Variants in COL4A3 observed in about 807,000 individuals in gnomAD.
The protein encoded by COL4A3 is collagen alpha-3(IV) chain.
In COL4A3, 135 loss-of-function variants were observed where a neutral mutation model predicts 217.4. The observed-to-expected ratio is 0.62, with a 90% CI of 0.54 to 0.72. The LOEUF (loss-of-function observed/expected upper bound fraction) is 0.72. Ranked by LOEUF, COL4A3 falls within the 30% of genes least tolerant of loss-of-function variation. COL4A3 has a pLI of 0.00. For synonymous variants in COL4A3, 690 were observed against 736.3 expected (o/e 0.94, Z 1.02); for missense variants, 1,868 against 2,119.9 (o/e 0.88, Z 2.33).
Position 227,279,677 on chromosome 2 carries a change from T to C in COL4A3, c.2126-116T>C. The C allele has an allele frequency of 5.6e-6, 4 of 710,854 alleles. 1 individual carries two copies. The South Asian group carries it at 8.0e-5, about 14-fold the overall frequency. 44.0% of individuals were successfully genotyped at this position (710,854 alleles called of 1,614,324 possible). ...TTGCTAATTTATCAGTTGGTTTTAT[T>C]ATCATTTAAATTTTCATAAAAGCAT... On this transcript the variant is annotated intron_variant, in intron 28 of 51. Coordinates refer to ENST00000396578, the MANE Select transcript of COL4A3 (RefSeq NM_000091.5).
chr2:227,312,049 CT>C lies in COL4A3; in HGVS notation c.*180del. 4.4e-6 allele frequency: 5 copies of C among 1,140,702 alleles called. No homozygotes were observed. The highest frequency in any genetic ancestry group is 6.2e-6 in the Non-Finnish European group (5 of 802,508). The allele number at this position is 1,140,702 out of a possible 1,614,324, so 70.7% of individuals were successfully genotyped here. On this transcript the variant is annotated 3_prime_UTR_variant, in exon 52 of 52. Coordinates refer to ENST00000396578, the MANE Select transcript of COL4A3 (RefSeq NM_000091.5). The stretch of plus-strand genomic sequence containing the variant: ...AATTCTTTCAAGTCAGTTCTGTGAT[CT>C]GGGTCTCTAATCTGTGCTGTTTCAA...
In COL4A3 at chr2:227,188,282, T is replaced by C. The variant is rs184635209; in HGVS notation, c.87+23469T>C. ...AGAATTCTTTTTAAGTATCTGGAGT[T>C]AGAAAGTGGTAACATTTGGACATTG... is the stretch of plus-strand genomic sequence containing the variant. On this transcript the variant is annotated intron_variant, in intron 1 of 51. Transcript: ENST00000396578. Among the ~76,000 whole-genome samples the C allele has an allele frequency of 7.0e-4, 106 of 152,202 alleles. 1 individual carries two copies. Among genetic ancestry groups the C allele is most frequent in the African/African-American group, 2.4e-3 (100 of 41,546 alleles).
chr2:227,279,265 TTTG>T (rs1372392385), intron 28 of COL4A3, among the ~76,000 whole-genome samples: 2 of 151,280 alleles, frequency 1.3e-5, no homozygotes, highest in Non-Finnish European at 2.9e-5. Context: ...TGTTGTTTTT[TTTG>T]TTGTTGTTGT....
rs2066238231 is a variant in COL4A3 at position 227,191,491 on chromosome 2, A to C, written c.87+26678A>C. Among the ~76,000 whole-genome samples, 1 of 152,160 alleles carries C rather than the reference A, an allele frequency of 6.6e-6. No individual in the cohort carries two copies. Among genetic ancestry groups the C allele is most frequent in the African/African-American group, 2.4e-5 (1 of 41,438 alleles). The stretch of plus-strand genomic sequence containing the variant: ...ATACAAATGTTGAATGGCTCCATCC[A>C]CGGTGCATTTGTGGAGCTCCCCTGT... On this transcript the variant is annotated intron_variant, in intron 1 of 51. Transcript: ENST00000396578. The surrounding 1 kb of genome is among the most constrained non-coding windows in gnomAD (Gnocchi z 6.8).
chr2:227,179,564 C>G (rs910829585), intron 1 of COL4A3, among the ~76,000 whole-genome samples: 1 of 152,100 alleles, frequency 6.6e-6, no homozygotes, highest in South Asian at 2.1e-4. Context: ...TATTAGATAT[C>G]CAAACTAAAA....
In COL4A3 at chr2:227,173,218, TA is replaced by T. The variant is rs111603091; in HGVS notation, c.87+8407del. On this transcript the variant is annotated intron_variant, in intron 1 of 51. Coordinates refer to ENST00000396578, the MANE Select transcript of COL4A3 (RefSeq NM_000091.5). ...AATGTTAGTTTTAATATCATTTCTA[TA>T]ATAAAAATTCTCAGTGTTAGACATC... Among the ~76,000 whole-genome samples, 962 of 152,350 alleles carry T rather than the reference TA, an allele frequency of 6.3e-3. 13 individuals are homozygous for T. Among genetic ancestry groups the T allele is most frequent in the African/African-American group, 0.021 (865 of 41,572 alleles).
intron 1 of COL4A3, among the ~76,000 whole-genome samples, chr2:227,183,256 T>A (rs1349030795): frequency 1.3e-5 from 2 of 152,182 alleles, no homozygotes; most frequent in Non-Finnish European, 2.9e-5. Flanking sequence ...TAGCAAACCA[T>A]GTCCCATAAG....
In COL4A3 at chr2:227,305,021, G is replaced by A. The variant is rs780162952; in HGVS notation, c.4190G>A (p.Gly1397Glu). The change falls in exon 47 of 52, where the codon GGA (glycine) becomes GAA (glutamate). Residue 1397 changes from glycine to glutamate, a missense_variant. Physicochemically the swap from Gly to Glu is moderately conservative, Grantham distance 98 (BLOSUM62 -2). Around this residue, in one of 2 missense-constraint regions of COL4A3, gnomAD observed 1,503 missense variants for 1,786.1 expected, o/e 0.84. Transcript: ENST00000396578. Reference protein sequence around the residue: ...CGPRGKPGKDGKPGTPGPAGE... With the variant: ...CGPRGKPGKDEKPGTPGPAGE... ...CCAAGAGGTAAGCCAGGCAAGGATG[G>A]AAAACCAGGAACTCCTGGACCAGCT... 1.2e-5 allele frequency: 20 copies of A among 1,613,906 alleles called. 1 individual carries two copies. In the South Asian group the frequency reaches 2.1e-4, roughly 17 times the overall value.
At chr2:227,255,915 G>A (rs2125940153) in intron 15 of COL4A3, 111 bp from the exon 16 acceptor site, 1 of 1,081,042 alleles carries the variant, frequency 9.3e-7, no homozygotes, top group South Asian at 1.3e-5. Flanking sequence ...CTTTACTCAG[G>A]CTTTTCATGC....
At chr2:227,304,628 T>C (rs916019505) in intron 46 of COL4A3, among the ~76,000 whole-genome samples, 1 of 152,240 alleles carries the variant, frequency 6.6e-6, no homozygotes, top group Non-Finnish European at 1.5e-5. Flanking sequence ...GGCTTCTGAA[T>C]GGAATGATTA....
intron 1 of COL4A3, among the ~76,000 whole-genome samples, chr2:227,173,634 G>T (rs1426528762): frequency 6.6e-6 from 1 of 152,112 alleles, no homozygotes. Flanking sequence ...TGTGAGCCAT[G>T]ACTACAAGCC....
At chr2:227,256,607 G>C (rs914048944) in intron 17 of COL4A3, 8 of 733,920 alleles carry the variant, frequency 1.1e-5, no homozygotes, top group Middle Eastern at 3.7e-4. Flanking sequence ...AACTTGTACT[G>C]TGTACTTGAA....
In COL4A3 at chr2:227,250,373, T is replaced by C. The variant is rs1235867261; in HGVS notation, c.547-767T>C. Reference sequence around the variant, plus strand: ...ATAGATAGATAGATAGATAGATAGATAGATAGATAGATATTTAAAAATTGT... The same window carrying C: ...ATAGATAGATAGATAGATAGATAGACAGATAGATAGATATTTAAAAATTGT... On this transcript the variant is annotated intron_variant, in intron 9 of 51. Transcript: ENST00000396578. The surrounding 1 kb of genome is among the most constrained non-coding windows in gnomAD (Gnocchi z 4.1). 6.6e-6 allele frequency among the ~76,000 whole-genome samples: 1 copy of C among 150,498 alleles called. No homozygotes were observed. The highest frequency in any genetic ancestry group is 1.5e-5 in the Non-Finnish European group (1 of 67,928).
At chr2:227,214,608 C>T (rs2067457511) in intron 1 of COL4A3, among the ~76,000 whole-genome samples, 2 of 152,340 alleles carry the variant, frequency 1.3e-5, no homozygotes, top group African/African-American at 4.8e-5. Context: ...CCTATTAAAA[C>T]ACTTCACAGG....
chr2:227,294,673 T>G, intron 39 of COL4A3, 103 bp downstream of exon 39: 6 of 895,112 alleles, frequency 6.7e-6, no homozygotes, highest in Non-Finnish European at 1.1e-5. Context: ...AGGTAGCTCC[T>G]AGTTACTCAG....
intron 37 of COL4A3, among the ~76,000 whole-genome samples, chr2:227,291,569 AAAAAAAAAAACAAAAAAAAAAAAC>A (rs1449260636): frequency 4.5e-5 from 1 of 22,046 alleles, no homozygotes; most frequent in African/African-American, 1.6e-4. Context: ...TCTCAAAAAA[AAAAAAAAAAACAAAAAAAAAAAAC>A]AAAAAAAAAA....
chr2:227,169,029 A>G (rs955318776), intron 1 of COL4A3, among the ~76,000 whole-genome samples: 1 of 149,792 alleles, frequency 6.7e-6, no homozygotes, highest in Admixed American at 6.7e-5. Flanking sequence ...TCCTAAAGCT[A>G]TCCCTCCCGC....
rs140598360 is a variant in COL4A3 at position 227,300,507 on chromosome 2, G to A, written c.3882+1695G>A. 4.6e-3 allele frequency among the ~76,000 whole-genome samples: 693 copies of A among 152,234 alleles called. 3 individuals are homozygous for A. The highest frequency in any genetic ancestry group is 0.014 in the African/African-American group (585 of 41,520). On this transcript the variant is annotated intron_variant, in intron 43 of 51. Transcript: ENST00000396578. ...TCTCTCTCTCAACACCACAGCCGTC[G>A]TCCCTAGCTTTCTCTTAGCAGCGTA...
At chr2:227,265,881 GGCAGAA>G (rs1276657742) in intron 21 of COL4A3, 1 of 158,620 alleles carries the variant, frequency 6.3e-6, no homozygotes, top group Non-Finnish European at 1.4e-5. Flanking sequence ...TTACACTCGT[GGCAGAA>G]GCAGAAGCAA....
Sources: gnomAD v4.1 joint callset for allele counts (sites outside exome capture counted in the v4.1 genomes callset) on GRCh38, gnomAD v4.1.1 for gene constraint, gnomAD v4.1.1 regional missense constraint, Gnocchi (gnomAD v3.1) non-coding constraint, MANE v1.5 for transcripts, NCBI Gene and HGNC (gene_info 2026-07-23, HGNC 2026-07-21) for gene names.